CYP7B1: variants seen among roughly 807,000 people sequenced by gnomAD.
The protein encoded by CYP7B1 is cytochrome P450 7B1.
A neutral mutation model predicts 42.7 loss-of-function variants in CYP7B1; 29 were observed. The observed-to-expected ratio is 0.68, with a 90% CI of 0.51 to 0.93. The LOEUF is 0.93. Among genes scored for constraint, CYP7B1 ranks in the 40% least tolerant of loss-of-function variants. The pLI is 0.00. For synonymous variants in CYP7B1, 235 were observed against 218.2 expected (o/e 1.08, Z -0.68); for missense variants, 655 against 600.5 (o/e 1.09, Z -0.95).
chr8:64,768,776 A>T (rs1198534223), intron 1 of CYP7B1, among the ~76,000 whole-genome samples: 1 of 152,218 alleles, frequency 6.6e-6, no homozygotes, highest in Non-Finnish European at 1.5e-5. Context: ...TCCCAATTTT[A>T]GGCAACAAAC....
intron 1 of CYP7B1, among the ~76,000 whole-genome samples, chr8:64,727,219 A>G (rs1279797029): frequency 1.3e-5 from 2 of 152,184 alleles, no homozygotes; most frequent in Non-Finnish European, 2.9e-5. Context: ...ACAGTATTAT[A>G]AAGGCTCTCA....
intron 1 of CYP7B1, among the ~76,000 whole-genome samples, chr8:64,741,594 A>C (rs1192446197): frequency 5.9e-5 from 9 of 152,226 alleles, no homozygotes. Flanking sequence ...CTGGGATTAC[A>C]GGCATGAGCC....
At chr8:64,668,676 T>A (rs1275242667) in intron 1 of CYP7B1, among the ~76,000 whole-genome samples, 2 of 151,084 alleles carry the variant, frequency 1.3e-5, no homozygotes, top group Admixed American at 6.6e-5. Flanking sequence ...TTGGTTTGTT[T>A]TTTTTTAAAA....
intron 1 of CYP7B1, among the ~76,000 whole-genome samples, chr8:64,650,361 T>C (rs1345634023): frequency 6.6e-6 from 1 of 152,186 alleles, no homozygotes; most frequent in Non-Finnish European, 1.5e-5. Context: ...AAATACTTAA[T>C]TCTTGGCTGG....
chr8:64,786,783 G>A (rs1426028814), intron 1 of CYP7B1, among the ~76,000 whole-genome samples: 3 of 152,224 alleles, frequency 2.0e-5, no homozygotes, highest in African/African-American at 4.8e-5. Flanking sequence ...CCCTAGCAAA[G>A]GTTCTCCATG....
At chr8:64,765,144 T>A (rs1481899671) in intron 1 of CYP7B1, among the ~76,000 whole-genome samples, 3 of 152,108 alleles carry the variant, frequency 2.0e-5, no homozygotes, top group African/African-American at 7.2e-5. Flanking sequence ...TCTATACCAA[T>A]TCTAAGTCAA....
intron 1 of CYP7B1, among the ~76,000 whole-genome samples, chr8:64,739,372 G>C (rs891469380): frequency 1.3e-5 from 2 of 152,150 alleles, no homozygotes; most frequent in Non-Finnish European, 2.9e-5. Flanking sequence ...TCTATTTAAG[G>C]AAGAATTCCT....
chr8:64,589,589 A>T (rs1246282667), downstream of CYP7B1, among the ~76,000 whole-genome samples: 1 of 152,194 alleles, frequency 6.6e-6, no homozygotes, highest in Non-Finnish European at 1.5e-5. Flanking sequence ...ATTTTAATAT[A>T]AAAAACAAAA....
intron 1 of CYP7B1, among the ~76,000 whole-genome samples, chr8:64,713,785 T>G: frequency 6.6e-6 from 1 of 152,138 alleles, no homozygotes; most frequent in East Asian, 1.9e-4. Context: ...AAAAAAAATC[T>G]TCAAGAGATA....
At chr8:64,714,512 G>A (rs1807125455) in intron 1 of CYP7B1, among the ~76,000 whole-genome samples, 1 of 152,200 alleles carries the variant, frequency 6.6e-6, no homozygotes, top group African/African-American at 2.4e-5. Flanking sequence ...AGACACTACA[G>A]TTGTCAGCAA....
chr8:64,635,447 G>A (rs1372281534), intron 1 of CYP7B1, among the ~76,000 whole-genome samples: 1 of 152,152 alleles, frequency 6.6e-6, no homozygotes, highest in African/African-American at 2.4e-5. Flanking sequence ...CTGTTCTTTG[G>A]TAACTTCTGC....
At chr8:64,717,833 C>A (rs917067260) in intron 1 of CYP7B1, among the ~76,000 whole-genome samples, 7 of 151,344 alleles carry the variant, frequency 4.6e-5, no homozygotes, top group Non-Finnish European at 5.9e-5. Flanking sequence ...GGCAACAGAA[C>A]CAGACCCTGC....
intron 1 of CYP7B1, among the ~76,000 whole-genome samples, chr8:64,749,097 T>A (rs902629112): frequency 2.0e-5 from 3 of 152,154 alleles, no homozygotes; most frequent in African/African-American, 7.2e-5. Context: ...TCTCTTTTTT[T>A]TGAGACGGAG....
At chr8:64,787,585 C>G (rs1352684642) in intron 1 of CYP7B1, among the ~76,000 whole-genome samples, 2 of 152,154 alleles carry the variant, frequency 1.3e-5, no homozygotes, top group Non-Finnish European at 2.9e-5. Flanking sequence ...TCTTCAAAGC[C>G]CTCCAAGTCT....
chr8:64,605,823 G>A (rs1585801358), intron 4 of CYP7B1, among the ~76,000 whole-genome samples: 1 of 152,130 alleles, frequency 6.6e-6, no homozygotes. Flanking sequence ...ACAAATGGTC[G>A]TGTTTATGAC....
chr8:64,671,024 A>G (rs1806359360), intron 1 of CYP7B1, among the ~76,000 whole-genome samples: 1 of 152,188 alleles, frequency 6.6e-6, no homozygotes, highest in South Asian at 2.1e-4. Flanking sequence ...TGTAAGGTCT[A>G]TGTAATAAGC....
intron 1 of CYP7B1, among the ~76,000 whole-genome samples, chr8:64,708,053 G>T (rs146220103): frequency 1.3e-5 from 2 of 152,154 alleles, no homozygotes; most frequent in African/African-American, 4.8e-5. Context: ...ACTATCAGCA[G>T]AAAGAGGCAA....
At chr8:64,763,125 C>A (rs1455348507) in intron 1 of CYP7B1, among the ~76,000 whole-genome samples, 1 of 152,194 alleles carries the variant, frequency 6.6e-6, no homozygotes. Context: ...CTGACTTCCA[C>A]CCCTCCGGAT....
intron 1 of CYP7B1, among the ~76,000 whole-genome samples, chr8:64,702,282 G>T (rs1806928650): frequency 6.6e-6 from 1 of 152,004 alleles, no homozygotes; most frequent in Non-Finnish European, 1.5e-5. Flanking sequence ...TAGTAGTTAT[G>T]AAATTGTGTC....
Sources: gnomAD v4.1 joint callset for allele counts (sites outside exome capture counted in the v4.1 genomes callset) on GRCh38, gnomAD v4.1.1 for gene constraint, MANE v1.5 for transcripts, NCBI Gene and HGNC (gene_info 2026-07-23, HGNC 2026-07-21) for gene names.